Variants in CD200R1 observed in about 807,000 individuals in gnomAD.
CD200R1 encodes CD200 receptor 1, also known as cell surface glycoprotein CD200 receptor 1.
CD200R1 carries 30 observed loss-of-function variants against 38.1 expected under a neutral mutation model. That is an observed-to-expected ratio of 0.79 (90% CI 0.59 to 1.07). CD200R1 has a LOEUF of 1.07. CD200R1 is among the 50% of genes least tolerant of loss of function. The pLI is 0.00. For synonymous variants in CD200R1, 128 were observed against 152.1 expected, an observed-to-expected ratio of 0.84 and a Z score of 1.16; for missense variants, 372 against 415.4, an observed-to-expected ratio of 0.90 and a Z score of 0.91.
At chr3:112,924,056 G>A (rs1224242228) in intron 7 of CD200R1, among the ~76,000 whole-genome samples, 1 of 151,882 alleles carries the variant, frequency 6.6e-6, no homozygotes, top group African/African-American at 2.4e-5. Context: ...GAAGTGATAT[G>A]AGTACTCCAA....
chr3:112,956,859 C>T (rs1941110839), intron 1 of CD200R1, among the ~76,000 whole-genome samples: 1 of 152,216 alleles, frequency 6.6e-6, no homozygotes, highest in Admixed American at 6.5e-5. Context: ...ATGCCTACCT[C>T]TGAGGTTTGT....
chr3:112,956,352 T>G (rs4682448), intron 1 of CD200R1, among the ~76,000 whole-genome samples: 58,430 of 151,576 alleles, frequency 0.39, 11,325 homozygotes, highest in Admixed American at 0.44. Context: ...GGATTTCTGG[T>G]TTTTTTTTAA....
At chr3:112,931,304 T>C (rs936333001) in intron 2 of CD200R1, 133 bp from the exon 3 acceptor site, 2 of 577,532 alleles carry the variant, frequency 3.5e-6, no homozygotes, top group African/African-American at 1.8e-5. Flanking sequence ...ACAAAAATCA[T>C]TGTAAAACAG....
At chr3:112,952,881 T>G (rs1941000730) in intron 1 of CD200R1, among the ~76,000 whole-genome samples, 1 of 152,170 alleles carries the variant, frequency 6.6e-6, no homozygotes, top group Non-Finnish European at 1.5e-5. Context: ...ACAATTTGAC[T>G]TCTTTATTTT....
At chr3:112,957,056 G>T (rs1215512386) in intron 1 of CD200R1, among the ~76,000 whole-genome samples, 1 of 152,126 alleles carries the variant, frequency 6.6e-6, no homozygotes, top group East Asian at 1.9e-4. Flanking sequence ...CAGAGTTGGG[G>T]TCCAAGGCAA....
chr3:112,969,037 C>A (rs1404519030), intron 1 of CD200R1, among the ~76,000 whole-genome samples: 3 of 151,992 alleles, frequency 2.0e-5, no homozygotes, highest in Non-Finnish European at 4.4e-5. Flanking sequence ...AGTCTTACAG[C>A]AACATTCAGC....
chr3:112,932,608 A>G (rs1370609097), intron 2 of CD200R1, among the ~76,000 whole-genome samples: 1 of 151,764 alleles, frequency 6.6e-6, no homozygotes, highest in East Asian at 1.9e-4. Flanking sequence ...TGAGCCCTCC[A>G]TGTGGCAGAT....
chr3:112,975,064 C>CT lies in CD200R1; in HGVS notation c.-208dup, dbSNP rs1480309208. On this transcript the variant is annotated 5_prime_UTR_variant, in exon 1 of 8. Transcript: ENST00000308611. ...GGTTAGTAACTTGGACGAACAGAAG[C>CT]TTTTCTCTGGAACTTGACACAGCAA... The CT allele has an allele frequency of 1.8e-6, 1 of 556,492 alleles. No homozygotes were observed. Among genetic ancestry groups the CT allele is most frequent in the Non-Finnish European group, 3.2e-6 (1 of 310,798 alleles). The allele number at this position is 556,492 out of a possible 1,614,324, so 34.5% of individuals were successfully genotyped here. A position where few individuals can be genotyped will look rare whatever the true frequency, so the allele number is the denominator to read the frequency against.
At chr3:112,924,647 C>T in intron 6 of CD200R1, 112 bp from the exon 7 acceptor site, 2 of 606,116 alleles carry the variant, frequency 3.3e-6, no homozygotes, top group Non-Finnish European at 4.6e-6. Context: ...TGATAGAAGC[C>T]ATAATAAATC....
At chr3:112,968,322 T>C (rs957647956) in intron 1 of CD200R1, among the ~76,000 whole-genome samples, 1 of 152,230 alleles carries the variant, frequency 6.6e-6, no homozygotes, top group African/African-American at 2.4e-5. Flanking sequence ...ACTAAGTCAA[T>C]ATTAGTTGTA....
intron 2 of CD200R1, among the ~76,000 whole-genome samples, chr3:112,935,301 G>A (rs1217456082): frequency 2.6e-5 from 4 of 152,102 alleles, no homozygotes; most frequent in African/African-American, 9.7e-5. Flanking sequence ...ATTTTCACCA[G>A]CACATGGAAC....
At chr3:112,936,491 C>T (rs748766454) in intron 2 of CD200R1, among the ~76,000 whole-genome samples, 3 of 152,114 alleles carry the variant, frequency 2.0e-5, no homozygotes, top group Non-Finnish European at 4.4e-5. Flanking sequence ...TTAGTAATCA[C>T]CATTCTGACT....
At chr3:112,923,917 A>G (rs2107298449) in intron 7 of CD200R1, 118 bp from the exon 8 acceptor site, 2 of 595,988 alleles carry the variant, frequency 3.4e-6, no homozygotes, top group East Asian at 6.2e-5. Flanking sequence ...AGTGCTTATA[A>G]TTGTGTTTCT....
intron 2 of CD200R1, among the ~76,000 whole-genome samples, chr3:112,936,639 T>A (rs184034509): frequency 2.3e-4 from 35 of 152,342 alleles, no homozygotes; most frequent in African/African-American, 8.4e-4. Context: ...TTACCCACTT[T>A]TTAATGGGGT....
At chr3:112,925,834 CACAAT>C (rs1179729115) in intron 5 of CD200R1, among the ~76,000 whole-genome samples, 3 of 152,106 alleles carry the variant, frequency 2.0e-5, no homozygotes. Context: ...AATAATGTCT[CACAAT>C]ACATGAAATT....
At chr3:112,958,563 G>A (rs1284302445) in intron 1 of CD200R1, among the ~76,000 whole-genome samples, 1 of 152,074 alleles carries the variant, frequency 6.6e-6, no homozygotes, top group African/African-American at 2.4e-5. Context: ...TGATTCACAG[G>A]TATATACAAC....
intron 2 of CD200R1, among the ~76,000 whole-genome samples, chr3:112,933,019 C>T (rs1940487362): frequency 6.6e-6 from 1 of 152,088 alleles, no homozygotes; most frequent in South Asian, 2.1e-4. Context: ...CCTAGACTGA[C>T]AGATTGTGCA....
At chr3:112,925,008 T>A in intron 6 of CD200R1, 77 bp downstream of exon 6, 1 of 839,198 alleles carries the variant, frequency 1.2e-6, no homozygotes, top group Non-Finnish European at 2.0e-6. Context: ...ATATACCCAA[T>A]ACGGTCAGTT....
At chr3:112,942,066 T>G (rs763606319) in intron 2 of CD200R1, among the ~76,000 whole-genome samples, 3 of 151,722 alleles carry the variant, frequency 2.0e-5, no homozygotes, top group Non-Finnish European at 3.0e-5. Context: ...TCTGTAGGCC[T>G]GCCTTCCAAA....
Sources: allele counts gnomAD v4.1 joint callset (sites outside exome capture counted in the v4.1 genomes callset), GRCh38; gene constraint gnomAD v4.1.1; transcripts MANE v1.5; gene names NCBI Gene and HGNC (gene_info 2026-07-23, HGNC 2026-07-21).